NAA11: variants seen among roughly 807,000 people sequenced by gnomAD.
NAA11 encodes the protein N-alpha-acetyltransferase 11, NatA catalytic subunit, also known as N-alpha-acetyltransferase 11.
A neutral mutation model predicts 16.1 loss-of-function variants in NAA11; 15 were observed. That is an observed-to-expected ratio of 0.93 (90% CI 0.62 to 1.44). The LOEUF (loss-of-function observed/expected upper bound fraction) is 1.44, where lower values mean the gene tolerates loss of function less well. Among genes scored for constraint, NAA11 ranks in the 40% most tolerant of loss-of-function variants. The pLI is 0.00. For synonymous variants in NAA11, 122 were observed against 112.4 expected, an observed-to-expected ratio of 1.09 and a Z score of -0.54; for missense variants, 298 against 291.3, an observed-to-expected ratio of 1.02 and a Z score of -0.17.
At chr4:79,192,686 A>G in the NAA11 span, among the ~76,000 whole-genome samples, 1 of 152,022 alleles carries the variant, frequency 6.6e-6, no homozygotes, top group Non-Finnish European at 1.5e-5. Context: ...CGCAATAAAC[A>G]TACGTGTGCA....
chr4:79,166,506 C>T, the NAA11 span, among the ~76,000 whole-genome samples: 1 of 150,510 alleles, frequency 6.6e-6, no homozygotes, highest in African/African-American at 2.4e-5. Context: ...TGTGCACTAC[C>T]ATACCTGCCT....
the NAA11 span, among the ~76,000 whole-genome samples, chr4:79,185,054 T>C: frequency 1.3e-5 from 2 of 152,320 alleles, no homozygotes; most frequent in East Asian, 3.9e-4. Context: ...GAATTTTACA[T>C]GCCTGAGTTT....
chr4:79,171,740 A>G, the NAA11 span, among the ~76,000 whole-genome samples: 1 of 152,284 alleles, frequency 6.6e-6, no homozygotes, highest in East Asian at 1.9e-4. Flanking sequence ...TGGCTTATCT[A>G]TGATCAATAT....
chr4:79,182,609 G>A, the NAA11 span, among the ~76,000 whole-genome samples: 3 of 152,126 alleles, frequency 2.0e-5, no homozygotes, highest in Non-Finnish European at 4.4e-5. Context: ...TGTTTGGAAA[G>A]GTCAGGCTTT....
intron 2 of NAA11, among the ~76,000 whole-genome samples, chr4:79,247,661 A>C (rs932954392): frequency 2.6e-5 from 4 of 152,136 alleles, no homozygotes; most frequent in Non-Finnish European, 5.9e-5. Context: ...CATTGAGAGC[A>C]GACAGAGGGA....
At chr4:79,280,308 C>A (rs1228095294) in intron 2 of NAA11, among the ~76,000 whole-genome samples, 2 of 152,044 alleles carry the variant, frequency 1.3e-5, no homozygotes, top group African/African-American at 4.8e-5. Flanking sequence ...CCAGGAATCA[C>A]TGTGCCCTCC....
At chr4:79,300,221 G>T (rs1246458663) in intron 1 of NAA11, among the ~76,000 whole-genome samples, 5 of 152,212 alleles carry the variant, frequency 3.3e-5, no homozygotes, top group Non-Finnish European at 5.9e-5. Flanking sequence ...CATGCCATTT[G>T]TATGTGGGAA....
At chr4:79,213,648 TATC>T in the NAA11 span, among the ~76,000 whole-genome samples, 1 of 152,172 alleles carries the variant, frequency 6.6e-6, no homozygotes, top group Non-Finnish European at 1.5e-5. Flanking sequence ...TATGCCAGAA[TATC>T]ATATGGGAGA....
the NAA11 span, among the ~76,000 whole-genome samples, chr4:79,184,484 T>C: frequency 6.6e-6 from 1 of 152,154 alleles, no homozygotes; most frequent in Non-Finnish European, 1.5e-5. Flanking sequence ...CAGTAAGTAA[T>C]ATAAGAACTT....
At chr4:79,159,340 A>G in the NAA11 span, among the ~76,000 whole-genome samples, 8 of 152,210 alleles carry the variant, frequency 5.3e-5, no homozygotes, top group Admixed American at 1.3e-4. Flanking sequence ...AAACATGCTC[A>G]CCATCACCAA....
Position 79,317,465 on chromosome 4 carries a change from A to G in NAA11, c.*339T>C, listed in dbSNP as rs1723958962. The stretch of plus-strand genomic sequence containing the variant: ...GAGTTTGCCCTGCTTCCTGTTCATC[A>G]TTCTAAAAGGAGAAAAACTTGCAGG... On this transcript the variant is annotated 3_prime_UTR_variant, in exon 2 of 2. Transcript: ENST00000286794. 6.6e-6 allele frequency: 1 copy of G among 152,258 alleles called. No individual in the cohort carries two copies. Among genetic ancestry groups the G allele is most frequent in the Non-Finnish European group, 1.5e-5 (1 of 68,080 alleles). The allele number at this position is 152,258 out of a possible 1,614,324, so 9.4% of individuals were successfully genotyped here.
intron 2 of NAA11, among the ~76,000 whole-genome samples, chr4:79,246,376 C>CAAAAAAAAAAAAAA (rs1560420199): frequency 1.3e-4 from 15 of 114,170 alleles, no homozygotes; most frequent in East Asian, 2.3e-4. Context: ...TCAATAAATA[C>CAAAAAAAAAAAAAA]TAAAAAAAAA....
chr4:79,278,596 T>C (rs554663628), intron 2 of NAA11, among the ~76,000 whole-genome samples: 1 of 152,306 alleles, frequency 6.6e-6, no homozygotes, highest in African/African-American at 2.4e-5. Flanking sequence ...GAAGCCCTTC[T>C]AGACCACTCA....
chr4:79,236,665 A>C (rs1450632539), intron 2 of NAA11, among the ~76,000 whole-genome samples: 1 of 152,186 alleles, frequency 6.6e-6, no homozygotes, highest in East Asian at 1.9e-4. Flanking sequence ...AATCTATTAA[A>C]ACTGAATTAA....
chr4:79,280,427 C>G (rs1722758537), intron 2 of NAA11, among the ~76,000 whole-genome samples: 1 of 152,088 alleles, frequency 6.6e-6, no homozygotes, highest in Admixed American at 6.6e-5. Context: ...GTTGTTTATA[C>G]TCACTTTTTC....
chr4:79,244,354 A>C (rs940543373), intron 2 of NAA11, among the ~76,000 whole-genome samples: 12 of 152,094 alleles, frequency 7.9e-5, no homozygotes, highest in African/African-American at 2.7e-4. Flanking sequence ...AGGCATCAGT[A>C]TGTCTGTTAA....
intron 2 of NAA11, among the ~76,000 whole-genome samples, chr4:79,231,994 T>A (rs1417030365): frequency 2.0e-5 from 3 of 151,776 alleles, no homozygotes. Flanking sequence ...ACATTAAAAA[T>A]TTATTAATTT....
chr4:79,288,092 A>G (rs1045740089), intron 2 of NAA11, among the ~76,000 whole-genome samples: 3 of 152,144 alleles, frequency 2.0e-5, no homozygotes, highest in Non-Finnish European at 4.4e-5. Flanking sequence ...AGAAGGAGAC[A>G]CTCTCAGCAG....
the NAA11 span, chr4:79,197,528 G>C: frequency 6.6e-6 from 1 of 151,880 alleles, no homozygotes; most frequent in African/African-American, 2.4e-5. Context: ...TGTCAGTTTT[G>C]AGCCAAGCTT....
Sources: allele counts gnomAD v4.1 joint callset (sites outside exome capture counted in the v4.1 genomes callset), GRCh38; gene constraint gnomAD v4.1.1; transcripts MANE v1.5; gene names NCBI Gene and HGNC (gene_info 2026-07-23, HGNC 2026-07-21).